The following CFAP46 variants were observed in gnomAD, a reference collection of about 807,000 sequenced individuals.
The protein encoded by CFAP46 is cilia- and flagella-associated protein 46.
In CFAP46, 245 loss-of-function variants were observed where a neutral mutation model predicts 325.7. The observed-to-expected ratio is 0.75, with a 90% confidence interval of 0.68 to 0.84. The LOEUF is 0.84. Ranked by LOEUF, CFAP46 falls within the 40% of genes least tolerant of loss-of-function variation. CFAP46 has a pLI of 0.00. For missense variants in CFAP46, 3,346 were observed against 3,543.0 expected (o/e 0.94, Z 1.41); for synonymous variants, 1,523 against 1,495.9 (o/e 1.02, Z -0.42).
Position 132,857,756 on chromosome 10 carries a change from T to C in CFAP46, c.5408A>G (p.Gln1803Arg), listed in dbSNP as rs769990382. 1.9e-6 allele frequency: 3 copies of C among 1,581,176 alleles called. No individual in the cohort carries two copies. Among genetic ancestry groups the C allele is most frequent in the Non-Finnish European group, 8.6e-7 (1 of 1,164,954 alleles). The change falls in exon 39 of 58, where the codon CAA becomes CGA. Residue 1803 changes from glutamine (Q) to arginine (R), a missense_variant. Gln to Arg is a conservative substitution (Grantham distance 43, BLOSUM62 1). Coordinates refer to ENST00000368586, the MANE Select transcript of CFAP46 (RefSeq NM_001200049.3). ...CGCTTCCAAGTAATACGCAGTTTTTTGTTCTTCATCTTTCTCGTTCTGGGC... is the reference window on the plus strand; with the variant it reads ...CGCTTCCAAGTAATACGCAGTTTTTCGTTCTTCATCTTTCTCGTTCTGGGC... Reference protein sequence around the residue: ...LRAQNEKDEEQKTAYYLEAYG... With the variant: ...LRAQNEKDEERKTAYYLEAYG...
At position 132,926,556 on chromosome 10, in the gene CFAP46, G is replaced by A. The variant is rs113601557; in HGVS notation, c.1065+12C>T. 5.6e-5 allele frequency: 85 copies of A among 1,527,404 alleles called. 2 individuals are homozygous for A. The highest frequency in any genetic ancestry group is 3.3e-4 in the African/African-American group (24 of 72,982). 94.6% of individuals were successfully genotyped at this position (1,527,404 alleles called of 1,614,324 possible). On this transcript the variant is annotated intron_variant, in intron 10 of 57. Transcript: ENST00000368586. Reference sequence around the variant, plus strand: ...ATAATGCCAGGTGTATGACTCCTGCGTAAGGACTGACCTCAACAGCCGCTC... The same window carrying A: ...ATAATGCCAGGTGTATGACTCCTGCATAAGGACTGACCTCAACAGCCGCTC...
At position 132,848,241 on chromosome 10, in the gene CFAP46, G is replaced by C. The variant is rs531405593; in HGVS notation, c.5953-920C>G. ...TAAACAAGATACAATCATCAAGTCA[G>C]TCAAACAAGAAATTGCAATGGAATT... On this transcript the variant is annotated intron_variant, in intron 41 of 57. Coordinates refer to ENST00000368586, the MANE Select transcript of CFAP46 (RefSeq NM_001200049.3). Among the ~76,000 whole-genome samples, 3 of 152,294 alleles carry C rather than the reference G, an allele frequency of 2.0e-5. No individual in the cohort carries two copies. In the East Asian group the frequency reaches 5.8e-4, roughly 29 times the overall value.
chr10:132,900,672 C>T (rs894600779), intron 22 of CFAP46, among the ~76,000 whole-genome samples: 3 of 152,238 alleles, frequency 2.0e-5, no homozygotes, highest in South Asian at 2.1e-4. Context: ...CCTTCTAAGG[C>T]GGGCATGGCG....
At chr10:132,880,163 C>T (rs557830825) in intron 28 of CFAP46, among the ~76,000 whole-genome samples, 263 of 152,140 alleles carry the variant, frequency 1.7e-3, no homozygotes, top group African/African-American at 5.3e-3. Flanking sequence ...TGGGCTCTGC[C>T]GGCCTCTGCT....
intron 22 of CFAP46, among the ~76,000 whole-genome samples, chr10:132,906,575 T>C (rs1314236348): frequency 1.6e-5 from 1 of 62,566 alleles, no homozygotes; most frequent in African/African-American, 6.2e-5. Context: ...TCCTGGGCAC[T>C]GAGAAGAGTG....
chr10:132,871,985 T>C (rs1276478597), intron 32 of CFAP46, among the ~76,000 whole-genome samples: 3 of 152,216 alleles, frequency 2.0e-5, no homozygotes, highest in Non-Finnish European at 4.4e-5. Context: ...TGCCAGCCTT[T>C]TTAGCATTTT....
In CFAP46 at chr10:132,828,117, G is replaced by A. The variant is rs1848089997; in HGVS notation, c.7117+5241C>T. Among the ~76,000 whole-genome samples, 1 of 152,244 alleles carries A rather than the reference G, an allele frequency of 6.6e-6. No individual in the cohort carries two copies. Among genetic ancestry groups the A allele is most frequent in the Admixed American group, 6.5e-5 (1 of 15,290 alleles). ...CCAGGTGTCCGTCCTGTGGGTGATGGATCTTTCTGTGGTTTCCCGGTTTAG... is the reference window on the plus strand; with the variant it reads ...CCAGGTGTCCGTCCTGTGGGTGATGAATCTTTCTGTGGTTTCCCGGTTTAG... On this transcript the variant is annotated intron_variant, in intron 50 of 57. Coordinates refer to ENST00000368586, the MANE Select transcript of CFAP46 (RefSeq NM_001200049.3). The surrounding 1 kb of genome is among the most constrained non-coding windows in gnomAD (Gnocchi z 4.9).
chr10:132,928,722 C>T (rs1345381196), intron 9 of CFAP46, among the ~76,000 whole-genome samples: 1 of 152,202 alleles, frequency 6.6e-6, no homozygotes, highest in Non-Finnish European at 1.5e-5. Context: ...CCCTTCTTCA[C>T]TCTCTGTGTG....
chr10:132,841,326 A>G lies in CFAP46; in HGVS notation c.6439-4412T>C, dbSNP rs189082673. On this transcript the variant is annotated intron_variant, in intron 44 of 57. Transcript: ENST00000368586. ...GAGTGGAGGCTCGAAGCAAGCCCCA[A>G]CCCCACAGGGCTGATGTGATCCTGA... Among the ~76,000 whole-genome samples the G allele has an allele frequency of 1.3e-3, 204 of 152,306 alleles. 3 individuals carry two copies. The highest frequency in any genetic ancestry group is 4.0e-4 in the Non-Finnish European group (27 of 68,032).
Position 132,881,517 on chromosome 10 carries a change from C to T in CFAP46, c.3628-485G>A, listed in dbSNP as rs117406651. Reference sequence around the variant, plus strand: ...AGCCCAGTCCAAGGCCTGGCCTGTGCAAACTTGGCCATCATCGCTACAGAA... The same window carrying T: ...AGCCCAGTCCAAGGCCTGGCCTGTGTAAACTTGGCCATCATCGCTACAGAA... On this transcript the variant is annotated intron_variant, in intron 27 of 57. Coordinates refer to ENST00000368586, the MANE Select transcript of CFAP46 (RefSeq NM_001200049.3). Among the ~76,000 whole-genome samples, 24 of 152,330 alleles carry T rather than the reference C, an allele frequency of 1.6e-4. No homozygotes were observed. In the East Asian group the frequency reaches 4.4e-3, roughly 28 times the overall value.
intron 50 of CFAP46, among the ~76,000 whole-genome samples, chr10:132,825,803 C>T (rs927606635): frequency 1.3e-5 from 2 of 152,144 alleles, no homozygotes; most frequent in African/African-American, 2.4e-5. Flanking sequence ...ACAGAAGAAC[C>T]GGTGAGAGAC....
intron 22 of CFAP46, among the ~76,000 whole-genome samples, chr10:132,905,210 T>C (rs1277557698): frequency 6.6e-6 from 1 of 152,238 alleles, no homozygotes; most frequent in East Asian, 1.9e-4. Flanking sequence ...GTGAACACCA[T>C]GTTTCTCATT....
intron 24 of CFAP46, 110 bp downstream of exon 24, chr10:132,898,849 T>G: frequency 7.2e-7 from 1 of 1,393,918 alleles, no homozygotes; most frequent in Non-Finnish European, 1.0e-6. Flanking sequence ...TGGTGCACCC[T>G]CTGGGAGGCC....
chr10:132,910,094 G>T (rs750523637), intron 19 of CFAP46, 26 bp from the exon 20 acceptor site: 25 of 1,390,524 alleles, frequency 1.8e-5, no homozygotes, highest in Admixed American at 3.3e-5. Flanking sequence ...TCTCGGTCAC[G>T]AAACCTGAAT....
intron 50 of CFAP46, among the ~76,000 whole-genome samples, chr10:132,825,546 T>C (rs529209578): frequency 2.6e-5 from 4 of 152,306 alleles, no homozygotes; most frequent in African/African-American, 9.6e-5. Flanking sequence ...TACAGCTTCT[T>C]ACATGCCGGT....
At chr10:132,861,010 G>C (rs1564782291) in intron 35 of CFAP46, 28 bp from the exon 36 acceptor site, 1 of 1,548,262 alleles carries the variant, frequency 6.5e-7, no homozygotes, top group Non-Finnish European at 8.7e-7. Flanking sequence ...AGACATGCTT[G>C]GGTTCCTCTA....
Position 132,909,253 on chromosome 10 carries a change from G to A in CFAP46, c.2650-9C>T. ...ACATCCTCATTGGTGCCCTGGTGGG[G>A]AGGATGCCCTGAGTGTATCAGCCCA... On this transcript the variant is annotated splice_polypyrimidine_tract_variant and intron_variant, in intron 20 of 57. Transcript: ENST00000368586. 7 of 1,547,076 alleles carry A rather than the reference G, an allele frequency of 4.5e-6. No homozygotes were observed. The highest frequency in any genetic ancestry group is 6.1e-6 in the Non-Finnish European group (7 of 1,143,986).
intron 27 of CFAP46, among the ~76,000 whole-genome samples, chr10:132,883,685 C>G (rs1220207206): frequency 6.6e-6 from 1 of 152,258 alleles, no homozygotes; most frequent in Non-Finnish European, 1.5e-5. Flanking sequence ...CAGCATTCCT[C>G]ACAGCAGGCA....
rs756121575 is a variant in CFAP46 at position 132,919,385 on chromosome 10, G to C, written c.1788C>G (p.Val596=). Reference sequence around the variant, plus strand: ...GGCAGAAGCGGCTCGCCGTCCGACAGACGTCCCACACGCCTTGTTTCCGGG... The same window carrying C: ...GGCAGAAGCGGCTCGCCGTCCGACACACGTCCCACACGCCTTGTTTCCGGG... The part of the protein sequence containing the change: ...KVARKQGVWD[V]CRTASRFCLL... Residue 596 remains valine (V), a synonymous_variant, in exon 15 of 58, where the codon GTC becomes GTG. Coordinates refer to ENST00000368586, the MANE Select transcript of CFAP46 (RefSeq NM_001200049.3). This position sits in a 1 kb window ranked among gnomAD's most constrained non-coding sequence, Gnocchi z 9.7. 1.0e-4 allele frequency: 156 copies of C among 1,550,078 alleles called. No individual in the cohort carries two copies. The highest frequency in any genetic ancestry group is 1.3e-4 in the Non-Finnish European group (152 of 1,146,936).
Sources: allele counts gnomAD v4.1 joint callset (sites outside exome capture counted in the v4.1 genomes callset), GRCh38; gene constraint gnomAD v4.1.1; non-coding constraint Gnocchi (gnomAD v3.1); transcripts MANE v1.5; gene names NCBI Gene and HGNC (gene_info 2026-07-23, HGNC 2026-07-21).